The following UBE2D2 variants were observed in gnomAD, a reference collection of about 807,000 sequenced individuals.
UBE2D2 encodes ubiquitin-conjugating enzyme E2 D2.
UBE2D2 carries 2 observed loss-of-function variants against 24.2 expected under a neutral mutation model. That is an observed-to-expected ratio of 0.08 (90% confidence interval 0.03 to 0.26). The LOEUF is 0.26. UBE2D2 is among the 10% of genes least tolerant of loss of function. The pLI, the probability that UBE2D2 is intolerant of heterozygous loss-of-function variation, is 1.00. For synonymous variants in UBE2D2, 58 were observed against 56.5 expected (o/e 1.03, Z -0.12); for missense variants, 44 against 177.6 (o/e 0.25, Z 4.28).
intron 6 of UBE2D2, among the ~76,000 whole-genome samples, chr5:139,624,766 G>C (rs189568256): frequency 7.2e-5 from 11 of 152,380 alleles, no homozygotes; most frequent in Non-Finnish European, 1.5e-5. Flanking sequence ...GGGCGACAGA[G>C]CAAGACTCAC....
intron 6 of UBE2D2, among the ~76,000 whole-genome samples, chr5:139,624,478 G>C (rs189269895): frequency 6.6e-6 from 1 of 152,284 alleles, no homozygotes; most frequent in Admixed American, 6.5e-5. Context: ...AGAGGAACTA[G>C]ATAGGAGAGG....
chr5:139,587,808 G>A (rs927581822), intron 1 of UBE2D2, among the ~76,000 whole-genome samples: 1 of 152,066 alleles, frequency 6.6e-6, no homozygotes, highest in Non-Finnish European at 1.5e-5. Context: ...TCAAATGCCT[G>A]GGTTTATATC....
chr5:139,613,697 T>C (rs902247884), intron 2 of UBE2D2, among the ~76,000 whole-genome samples: 1 of 152,194 alleles, frequency 6.6e-6, no homozygotes, highest in African/African-American at 2.4e-5. Context: ...CACAAGAGTT[T>C]TTAGAAATTT....
At chr5:139,561,147 C>G (rs936779693), upstream of UBE2D2, 2 of 152,578 alleles carry the variant, frequency 1.3e-5, no homozygotes, top group African/African-American at 4.8e-5. Flanking sequence ...CTCTAGATCT[C>G]GCGAGATCTC....
upstream of UBE2D2, among the ~76,000 whole-genome samples, chr5:139,561,004 A>G (rs1753064561): frequency 6.6e-6 from 1 of 152,132 alleles, no homozygotes; most frequent in Non-Finnish European, 1.5e-5. Context: ...TCCTCCCGGG[A>G]CTAGTACGGG....
chr5:139,535,650 A>C (rs1752660268), intron 1 of UBE2D2, among the ~76,000 whole-genome samples: 1 of 152,108 alleles, frequency 6.6e-6, no homozygotes, highest in Non-Finnish European at 1.5e-5. Context: ...AAAGTTCTCT[A>C]ATAGAGAATT....
At chr5:139,561,119 G>A (rs1428519263), upstream of UBE2D2, 2 of 152,686 alleles carry the variant, frequency 1.3e-5, no homozygotes, top group Non-Finnish European at 2.9e-5. Context: ...CGCGGCGCTG[G>A]AGCCTGCAGA....
At chr5:139,609,660 C>G (rs528306767) in intron 2 of UBE2D2, among the ~76,000 whole-genome samples, 33 of 149,096 alleles carry the variant, frequency 2.2e-4, no homozygotes, top group Middle Eastern at 7.0e-3. Flanking sequence ...TGTGAGCCAT[C>G]ACACCTGGCT....
intron 6 of UBE2D2, among the ~76,000 whole-genome samples, 156 bp from the exon 7 acceptor site, chr5:139,626,600 G>T (rs1213536793): frequency 6.6e-6 from 1 of 152,094 alleles, no homozygotes; most frequent in Non-Finnish European, 1.5e-5. Context: ...CATTATCATT[G>T]AATTAATCCT....
At chr5:139,549,895 T>C (rs1316133269) in intron 1 of UBE2D2, among the ~76,000 whole-genome samples, 1 of 152,226 alleles carries the variant, frequency 6.6e-6, no homozygotes, top group Non-Finnish European at 1.5e-5. Context: ...TCAGGGTTCA[T>C]GGATGCAGCA....
At chr5:139,566,316 G>A (rs1253278201) in intron 1 of UBE2D2, among the ~76,000 whole-genome samples, 1 of 151,954 alleles carries the variant, frequency 6.6e-6, no homozygotes, top group Admixed American at 6.6e-5. Context: ...ACTGTGCCCG[G>A]CCTATGGCTA....
chr5:139,590,584 CAT>C (rs1753823125), intron 1 of UBE2D2, among the ~76,000 whole-genome samples: 1 of 151,298 alleles, frequency 6.6e-6, no homozygotes, highest in African/African-American at 2.4e-5. Context: ...AGTTTAAAAA[CAT>C]GTAAACAGTA....
At chr5:139,588,205 T>G (rs1753772953) in intron 1 of UBE2D2, among the ~76,000 whole-genome samples, 1 of 151,936 alleles carries the variant, frequency 6.6e-6, no homozygotes, top group Admixed American at 6.6e-5. Flanking sequence ...TCAAGCAGTC[T>G]TACTGCCTCA....
At chr5:139,578,617 T>C (rs769606934) in intron 1 of UBE2D2, among the ~76,000 whole-genome samples, 3 of 152,066 alleles carry the variant, frequency 2.0e-5, no homozygotes, top group Non-Finnish European at 4.4e-5. Flanking sequence ...CATACCTGGC[T>C]TTTTAAAAAA....
At chr5:139,530,496 G>A (rs946946313) in intron 1 of UBE2D2, among the ~76,000 whole-genome samples, 3 of 152,142 alleles carry the variant, frequency 2.0e-5, no homozygotes, top group African/African-American at 4.8e-5. Flanking sequence ...AGGCTCATGA[G>A]GATATCGAAC....
In UBE2D2 at chr5:139,543,069, G is replaced by A. The variant is rs138629950; in HGVS notation, c.-64+16457G>A. 1.6e-3 allele frequency among the ~76,000 whole-genome samples: 246 copies of A among 152,096 alleles called. 1 individual carries two copies. The highest frequency in any genetic ancestry group is 5.7e-3 in the African/African-American group (236 of 41,492). On this transcript the variant is annotated intron_variant, in intron 1 of 6. Coordinates refer to the UBE2D2 transcript ENST00000511725. ...GCGCCACCATGCCTGGCTAATTTTT[G>A]TATTTTTAGTAGAGACGAGGTTTCA...
chr5:139,586,434 T>C (rs115829773), intron 1 of UBE2D2, among the ~76,000 whole-genome samples: 5 of 152,162 alleles, frequency 3.3e-5, no homozygotes, highest in Non-Finnish European at 7.4e-5. Flanking sequence ...CAAGTGTAGA[T>C]CTGGTTTTGT....
intron 1 of UBE2D2, among the ~76,000 whole-genome samples, chr5:139,534,654 T>G (rs1188726413): frequency 1.3e-5 from 2 of 151,832 alleles, no homozygotes; most frequent in Non-Finnish European, 2.9e-5. Context: ...GAGAATCGCT[T>G]GAACCTGTGA....
At chr5:139,529,527 A>C (rs1752577205) in intron 1 of UBE2D2, among the ~76,000 whole-genome samples, 1 of 152,176 alleles carries the variant, frequency 6.6e-6, no homozygotes, top group Non-Finnish European at 1.5e-5. Flanking sequence ...ACTTAAAAAG[A>C]AAATAAAAAA....
Sources: gnomAD v4.1 joint callset for allele counts (sites outside exome capture counted in the v4.1 genomes callset) on GRCh38, gnomAD v4.1.1 for gene constraint, MANE v1.5 for transcripts, NCBI Gene and HGNC (gene_info 2026-07-23, HGNC 2026-07-21) for gene names.